The following TRPC4 variants were observed in gnomAD, a reference collection of about 807,000 sequenced individuals.
TRPC4 encodes the protein short transient receptor potential channel 4.
A neutral mutation model predicts 99.4 loss-of-function variants in TRPC4; 49 were observed. The observed-to-expected ratio is 0.49, with a 90% CI of 0.39 to 0.63. The LOEUF (loss-of-function observed/expected upper bound fraction) is 0.63, where lower values mean the gene tolerates loss of function less well. Among genes scored for constraint, TRPC4 ranks in the 20% least tolerant of loss-of-function variants. TRPC4 has a pLI of 0.00. For missense variants in TRPC4, 898 were observed against 1,152.9 expected (o/e 0.78, Z 3.20); for synonymous variants, 454 against 425.9 (o/e 1.07, Z -0.81).
At chr13:37,709,092 T>C (rs1045347269) in intron 3 of TRPC4, among the ~76,000 whole-genome samples, 22 of 151,564 alleles carry the variant, frequency 1.5e-4, no homozygotes, top group Admixed American at 2.0e-4. Context: ...CCTAGGAGAG[T>C]GTGGAGGCAG....
chr13:37,774,472 G>T (rs571953208), intron 2 of TRPC4, among the ~76,000 whole-genome samples: 6 of 151,878 alleles, frequency 4.0e-5, no homozygotes, highest in African/African-American at 1.4e-4. Flanking sequence ...GGTGCTTGAA[G>T]AACTCATTCT....
At chr13:37,791,439 T>C (rs1448153913) in intron 1 of TRPC4, among the ~76,000 whole-genome samples, 1 of 151,470 alleles carries the variant, frequency 6.6e-6, no homozygotes, top group Non-Finnish European at 1.5e-5. Flanking sequence ...AAAAGTTTTC[T>C]CTTATTTAAA....
At chr13:37,732,917 T>C (rs764622412) in intron 3 of TRPC4, among the ~76,000 whole-genome samples, 9 of 152,308 alleles carry the variant, frequency 5.9e-5, no homozygotes, top group Non-Finnish European at 1.2e-4. Flanking sequence ...ACTACCAATG[T>C]CATTTTTCAC....
intron 3 of TRPC4, among the ~76,000 whole-genome samples, chr13:37,721,982 G>T (rs575595210): frequency 3.3e-4 from 50 of 151,996 alleles, no homozygotes; most frequent in African/African-American, 9.9e-4. Context: ...TCTTATTCAA[G>T]AATTACCATT....
In TRPC4 at chr13:37,746,003, G is replaced by C; in HGVS notation, c.831C>G (p.Leu277=). The C allele has an allele frequency of 6.2e-7, 1 of 1,613,780 alleles. No homozygotes were observed. The highest frequency in any genetic ancestry group is 8.5e-7 in the Non-Finnish European group (1 of 1,179,826). The change falls in exon 3 of 11, where the codon CTC becomes CTG. Residue 277 remains leucine (L), a synonymous_variant. Coordinates refer to ENST00000379705, the MANE Select transcript of TRPC4 (RefSeq NM_016179.4). ...GATCATTTCCACTTTGTTCTTCTAT[G>C]AGACTATTGTCATCTCGGTAATTAA... ...IILNYRDDNS[L]IEEQSGNDLA...
intron 2 of TRPC4, among the ~76,000 whole-genome samples, chr13:37,750,083 A>G (rs1226194889): frequency 6.6e-6 from 1 of 152,126 alleles, no homozygotes; most frequent in African/African-American, 2.4e-5. Context: ...TATAAATAGA[A>G]TCACAAAATA....
chr13:37,822,082 G>A lies in TRPC4; in HGVS notation c.-27-38722C>T, dbSNP rs183867289. Among the ~76,000 whole-genome samples the A allele has an allele frequency of 4.6e-5, 7 of 152,058 alleles. No individual in the cohort carries two copies. In the East Asian group the frequency reaches 1.4e-3, roughly 29 times the overall value. On this transcript the variant is annotated intron_variant, in intron 1 of 10. Transcript: ENST00000379705. ...GCATTTGACAAAGGTCTAATATCCA[G>A]AATATATAAGTAACTTAAATTTATA...
chr13:37,639,343 T>A, intron 8 of TRPC4, 44 bp from the exon 9 acceptor site: 1 of 1,546,500 alleles, frequency 6.5e-7, no homozygotes, highest in Non-Finnish European at 8.7e-7. Context: ...ACTGTTATAT[T>A]ACTATTCTAA....
At chr13:37,679,554 A>C (rs1230985988) in intron 4 of TRPC4, among the ~76,000 whole-genome samples, 1 of 152,038 alleles carries the variant, frequency 6.6e-6, no homozygotes, top group Non-Finnish European at 1.5e-5. Context: ...TGACTATTTA[A>C]AATTATTGAT....
intron 1 of TRPC4, among the ~76,000 whole-genome samples, chr13:37,814,066 A>T (rs1010437570): frequency 6.6e-6 from 1 of 151,818 alleles, no homozygotes; most frequent in African/African-American, 2.4e-5. Context: ...TCAATACAAT[A>T]AAAAAACCCA....
chr13:37,762,447 G>C (rs1356819700), intron 2 of TRPC4, among the ~76,000 whole-genome samples: 2 of 151,464 alleles, frequency 1.3e-5, no homozygotes, highest in African/African-American at 4.8e-5. Context: ...ATTCACAATA[G>C]CGAAGACTTG....
intron 4 of TRPC4, among the ~76,000 whole-genome samples, chr13:37,686,873 C>T (rs1039948156): frequency 1.3e-5 from 2 of 152,156 alleles, no homozygotes; most frequent in Non-Finnish European, 2.9e-5. Context: ...CACAATGTCA[C>T]GTCGCTTCAG....
intron 3 of TRPC4, among the ~76,000 whole-genome samples, chr13:37,738,279 A>C (rs1453036268): frequency 6.6e-6 from 1 of 152,154 alleles, no homozygotes; most frequent in African/African-American, 2.4e-5. Context: ...AAAAATTTGA[A>C]ATAAGTTTCA....
At chr13:37,696,827 A>C (rs1162428725) in intron 3 of TRPC4, among the ~76,000 whole-genome samples, 1 of 151,880 alleles carries the variant, frequency 6.6e-6, no homozygotes, top group Non-Finnish European at 1.5e-5. Flanking sequence ...CTTTTCAAAA[A>C]CTCATTTTAT....
At chr13:37,655,315 A>G (rs1024580289) in intron 6 of TRPC4, 32 bp from the exon 7 acceptor site, 2 of 1,313,960 alleles carry the variant, frequency 1.5e-6, no homozygotes, top group African/African-American at 1.5e-5. Flanking sequence ...ACTAATAGCT[A>G]TATTAATGGA....
chr13:37,866,850 G>GC (rs1959784370), intron 1 of TRPC4, among the ~76,000 whole-genome samples: 1 of 121,508 alleles, frequency 8.2e-6, no homozygotes, highest in African/African-American at 3.2e-5. Context: ...TTTTTGTGGG[G>GC]GGGGGCGGGT....
chr13:37,791,194 C>T (rs926655378), intron 1 of TRPC4, among the ~76,000 whole-genome samples: 1 of 151,822 alleles, frequency 6.6e-6, no homozygotes, highest in African/African-American at 2.4e-5. Flanking sequence ...GAGTTCAAGA[C>T]CAGCCTGGCC....
chr13:37,650,612 T>TATAC (rs112723578), intron 8 of TRPC4, among the ~76,000 whole-genome samples: 1 of 140,556 alleles, frequency 7.1e-6, no homozygotes, highest in South Asian at 2.5e-4. Flanking sequence ...TCTCTCTCTA[T>TATAC]ACACACACAC....
intron 1 of TRPC4, among the ~76,000 whole-genome samples, chr13:37,797,366 T>C (rs1186472315): frequency 6.6e-6 from 1 of 152,038 alleles, no homozygotes; most frequent in African/African-American, 2.4e-5. Context: ...GTCGCAATGA[T>C]AAATAATTAA....
Sources: gnomAD v4.1 joint callset for allele counts (sites outside exome capture counted in the v4.1 genomes callset) on GRCh38, gnomAD v4.1.1 for gene constraint, MANE v1.5 for transcripts, NCBI Gene and HGNC (gene_info 2026-07-23, HGNC 2026-07-21) for gene names.